The following PRSS53 variants were observed in gnomAD, a reference collection of about 807,000 sequenced individuals.
The protein encoded by PRSS53 is EDTP308.
Under a neutral mutation model 62.7 loss-of-function variants are expected in PRSS53, and 54 were observed. The observed-to-expected ratio is 0.86, with a 90% confidence interval of 0.69 to 1.08. The LOEUF is 1.08. PRSS53 is among the 50% of genes least tolerant of loss of function. PRSS53 has a pLI of 0.00. For missense variants in PRSS53, 688 were observed against 728.3 expected (o/e 0.94, Z 0.64); for synonymous variants, 273 against 300.0 (o/e 0.91, Z 0.93).
chr16:31,088,549 C>G, intron 1 of PRSS53: 5 of 1,434,612 alleles, frequency 3.5e-6, no homozygotes, highest in South Asian at 1.4e-5. Context: ...CCAACGCAAA[C>G]TGCAGCTGGC....
chr16:31,083,809 C>T lies in PRSS53; in HGVS notation c.1643G>A (p.Ser548Asn), dbSNP rs369832167. 8.1e-6 allele frequency: 13 copies of T among 1,614,042 alleles called. No homozygotes were observed. In the African/African-American group the frequency reaches 1.2e-4, roughly 15 times the overall value. The change falls in exon 11 of 11, where the codon AGC (serine) becomes AAC (asparagine). Residue 548 changes from serine (S) to asparagine (N), a missense_variant and splice_region_variant. Transcript: ENST00000280606. ...CCCCTGTCAGCAGCTGGTTGGTTGGCCTGTGGGGAAGGAAGGAGGGTGGAG... is the reference window on the plus strand; with the variant it reads ...CCCCTGTCAGCAGCTGGTTGGTTGGTCTGTGGGGAAGGAAGGAGGGTGGAG...
chr16:31,088,710 C>T (rs2057259670), intron 1 of PRSS53, 42 bp downstream of exon 1: 1 of 1,611,582 alleles, frequency 6.2e-7, no homozygotes. Flanking sequence ...GCCCCTGAGC[C>T]CCCACCAGGC....
At chr16:31,088,193 A>G in intron 1 of PRSS53, 2 of 1,205,854 alleles carry the variant, frequency 1.7e-6, no homozygotes, top group Non-Finnish European at 2.1e-6. Context: ...TCTTAGCAGC[A>G]GAGGCCTAAG....
At chr16:31,087,722 C>T in intron 2 of PRSS53, 23 bp from the exon 3 acceptor site, 1 of 1,614,008 alleles carries the variant, frequency 6.2e-7, no homozygotes, top group South Asian at 1.1e-5. Flanking sequence ...GTTAGTCACA[C>T]TGACAGCAGA....
intron 3 of PRSS53, chr16:31,087,172 G>GT (rs1214138651): frequency 1.9e-6 from 1 of 525,462 alleles, no homozygotes; most frequent in Non-Finnish European, 3.3e-6. Flanking sequence ...TAATTTTACA[G>GT]TTTTTGTAGA....
In PRSS53 at chr16:31,086,582, C is replaced by T. The variant is rs755432832; in HGVS notation, c.508+51G>A. The T allele has an allele frequency of 8.6e-5, 134 of 1,551,110 alleles. 1 individual carries two copies. The highest frequency in any genetic ancestry group is 4.2e-4 in the South Asian group (34 of 81,448). On this transcript the variant is annotated intron_variant, in intron 4 of 10. Transcript: ENST00000280606. ...GGACAGTTGGGAGCTGAGACTGTGA[C>T]GCTGGGCAAGCAGAGTGCCTCTCCG...
intron 2 of PRSS53, 32 bp downstream of exon 2, chr16:31,087,770 CAAGT>C (rs760460911): frequency 1.9e-6 from 3 of 1,614,150 alleles, no homozygotes; most frequent in Non-Finnish European, 2.5e-6. Flanking sequence ...AACCCAGACC[CAAGT>C]AAGACCTAGG....
intron 1 of PRSS53, chr16:31,088,479 G>A (rs1196370403): frequency 1.5e-6 from 2 of 1,328,782 alleles, no homozygotes; most frequent in East Asian, 2.9e-5. Flanking sequence ...AGTCGAGGGG[G>A]AGGCAGGCAC....
chr16:31,084,864 G>A (rs550474298), exon 8 of PRSS53: 8 of 1,547,678 alleles, frequency 5.2e-6, no homozygotes, highest in African/African-American at 2.7e-5. Context: ...CAGAGGGGCC[G>A]CAGGCTGGCT....
In PRSS53 at chr16:31,087,836, G is replaced by T; in HGVS notation, c.59-10C>A. 6.2e-7 allele frequency: 1 copy of T among 1,613,872 alleles called. No individual in the cohort carries two copies. The highest frequency in any genetic ancestry group is 1.1e-5 in the South Asian group (1 of 91,068). ...TGAGCGGCTTGAAGACCTGGGAAGA[G>T]AGAGACACAGGTAAGATGCAGGGAC... On this transcript the variant is annotated splice_polypyrimidine_tract_variant and intron_variant, in intron 1 of 10. Transcript: ENST00000280606.
exon 5 of PRSS53, chr16:31,086,424 G>A (rs376594980): frequency 6.2e-7 from 1 of 1,614,138 alleles, no homozygotes; most frequent in Non-Finnish European, 8.5e-7. Context: ...GGTGCAGCTG[G>A]TTGTAGATAC....
At chr16:31,088,574 TC>T (rs2057258552) in intron 1 of PRSS53, 177 bp downstream of exon 1, 21 of 1,436,842 alleles carry the variant, frequency 1.5e-5, no homozygotes, top group Non-Finnish European at 1.8e-5. Context: ...GAAAATCTCA[TC>T]CATGTTGACA....
At chr16:31,083,848 C>T (rs1442976315) in intron 10 of PRSS53, 39 bp from the exon 11 acceptor site, 2 of 1,613,910 alleles carry the variant, frequency 1.2e-6, no homozygotes, top group Non-Finnish European at 1.7e-6. Context: ...TCCTCATCCT[C>T]ACGGCTTTGG....
intron 3 of PRSS53, 65 bp from the exon 4 acceptor site, chr16:31,086,963 C>T: frequency 6.8e-7 from 1 of 1,480,202 alleles, no homozygotes; most frequent in Non-Finnish European, 9.0e-7. Flanking sequence ...CCATGGGAGA[C>T]CCCACAGGTA....
chr16:31,088,533 G>T (rs2057257962), intron 1 of PRSS53: 1 of 1,427,266 alleles, frequency 7.0e-7, no homozygotes, highest in East Asian at 2.5e-5. Flanking sequence ...AAGACCACAG[G>T]CCCCGCCAAC....
intron 6 of PRSS53, 138 bp downstream of exon 6, chr16:31,085,826 A>C: frequency 1.3e-6 from 1 of 741,630 alleles, no homozygotes. Context: ...CAGCCCTAAC[A>C]GGGCTGTTCC....
At position 31,083,858 on chromosome 16, in the gene PRSS53, G is replaced by T. The variant is rs566965645; in HGVS notation, c.1643-49C>A. ...AGTTGTCCTCATCCTCACGGCTTTG[G>T]TCCCTCCCTCCCTCCCCATTCCTCG... On this transcript the variant is annotated intron_variant, in intron 10 of 10. Transcript: ENST00000280606. 5 of 1,601,622 alleles carry T rather than the reference G, an allele frequency of 3.1e-6. No homozygotes were observed. The East Asian group carries it at 9.0e-5, about 29-fold the overall frequency.
exon 5 of PRSS53, chr16:31,086,478 T>C (rs370860047): frequency 6.2e-7 from 1 of 1,613,108 alleles, no homozygotes; most frequent in African/African-American, 1.3e-5. Context: ...GCAGATTGCG[T>C]AGGGTCCCAG....
chr16:31,086,173 C>T, exon 6 of PRSS53: 1 of 1,611,020 alleles, frequency 6.2e-7, no homozygotes, highest in South Asian at 1.1e-5. Flanking sequence ...CACAGGGCCC[C>T]CGGAATCTCC....
Sources: gnomAD v4.1 joint callset for allele counts on GRCh38, gnomAD v4.1.1 for gene constraint, MANE v1.5 for transcripts, NCBI Gene and HGNC (gene_info 2026-07-23, HGNC 2026-07-21) for gene names.